Variants in PCDHA4 observed in about 807,000 individuals in gnomAD.
The protein encoded by PCDHA4 is protocadherin alpha-4.
Under a neutral mutation model 61.4 loss-of-function variants are expected in PCDHA4, and 49 were observed. The ratio of observed to expected loss-of-function variants is 0.80; its 90% CI spans 0.63 to 1.01. The LOEUF is 1.01. Ranked by LOEUF, PCDHA4 falls within the 50% of genes least tolerant of loss-of-function variation. The pLI, the probability that PCDHA4 is intolerant of heterozygous loss-of-function variation, is 0.00. For synonymous variants in PCDHA4, 590 were observed against 550.3 expected (o/e 1.07, Z -1.01); for missense variants, 1,254 against 1,235.8 (o/e 1.01, Z -0.22).
intron 1 of PCDHA4, chr5:140,864,423 CACAA>C (rs1165677153): frequency 1.8e-4 from 27 of 152,176 alleles, no homozygotes; most frequent in Non-Finnish European, 3.4e-4. Flanking sequence ...CAGCTTCGTC[CACAA>C]ACAATTTTGT....
chr5:140,876,514 C>A, intron 1 of PCDHA4: 1 of 1,614,026 alleles, frequency 6.2e-7, no homozygotes, highest in East Asian at 2.2e-5. Flanking sequence ...TGACAATGTC[C>A]CTGAAGTAAT....
At chr5:140,968,946 GCAT>G in intron 1 of PCDHA4, 4 of 1,614,172 alleles carry the variant, frequency 2.5e-6, no homozygotes, top group Non-Finnish European at 3.4e-6. Flanking sequence ...ATCATTTTGA[GCAT>G]CATCAAGTGC....
At chr5:141,007,395 CAAAAAAAAAAAA>C (rs35800918) in intron 3 of PCDHA4, among the ~76,000 whole-genome samples, 1 of 94,866 alleles carries the variant, frequency 1.1e-5, no homozygotes, top group Non-Finnish European at 2.1e-5. Flanking sequence ...TACTAAAATA[CAAAAAAAAAAAA>C]AAAAAAAAAA....
intron 1 of PCDHA4, chr5:140,927,490 C>G: frequency 1.2e-6 from 2 of 1,614,132 alleles, no homozygotes; most frequent in Non-Finnish European, 8.5e-7. Flanking sequence ...CGCCACCCAC[C>G]TGCTGGTGCT....
At chr5:140,921,301 C>T (rs1227923324) in intron 1 of PCDHA4, among the ~76,000 whole-genome samples, 1 of 151,954 alleles carries the variant, frequency 6.6e-6, no homozygotes. Flanking sequence ...TTGCTGAATG[C>T]CATTGTATTA....
At chr5:140,828,988 G>C (rs782358243) in intron 1 of PCDHA4, 1 of 1,613,864 alleles carries the variant, frequency 6.2e-7, no homozygotes, top group African/African-American at 1.3e-5. Context: ...ATCGAAATAC[G>C]GGAGAAATAG....
At chr5:140,833,518 C>A (rs1772496743) in intron 1 of PCDHA4, among the ~76,000 whole-genome samples, 2 of 152,126 alleles carry the variant, frequency 1.3e-5, no homozygotes, top group Non-Finnish European at 2.9e-5. Flanking sequence ...GGCATATATT[C>A]ATAACACACA....
At chr5:140,836,151 G>T (rs2150254234) in intron 1 of PCDHA4, 3 of 1,613,828 alleles carry the variant, frequency 1.9e-6, no homozygotes, top group Middle Eastern at 3.3e-4. Context: ...CGCGGGCCAT[G>T]TGGTGGCGAA....
At chr5:140,962,207 A>G (rs1364251526) in intron 1 of PCDHA4, among the ~76,000 whole-genome samples, 13 of 152,236 alleles carry the variant, frequency 8.5e-5, no homozygotes, top group Admixed American at 3.3e-4. Flanking sequence ...CTATCTCCTT[A>G]TTGATCTTGA....
chr5:140,980,039 C>T (rs2096874436), intron 2 of PCDHA4, among the ~76,000 whole-genome samples: 1 of 152,184 alleles, frequency 6.6e-6, no homozygotes, highest in South Asian at 2.1e-4. Context: ...ACATTGGGTG[C>T]TATTTCTGAT....
chr5:140,993,406 T>G (rs1382987714), intron 3 of PCDHA4, among the ~76,000 whole-genome samples: 2 of 150,884 alleles, frequency 1.3e-5, no homozygotes, highest in Non-Finnish European at 2.9e-5. Context: ...TTAACCACCT[T>G]CATCAGCATT....
At chr5:140,870,292 G>A (rs782159013) in intron 1 of PCDHA4, 1 of 1,614,176 alleles carries the variant, frequency 6.2e-7, no homozygotes, top group Non-Finnish European at 8.5e-7. Context: ...CTTCAAGCTG[G>A]TGTCCACCTT....
intron 1 of PCDHA4, chr5:140,884,276 G>C: frequency 6.8e-6 from 11 of 1,613,638 alleles, no homozygotes; most frequent in Non-Finnish European, 9.3e-6. Context: ...GTTGTCGCTG[G>C]TGGAGAGCGG....
intron 1 of PCDHA4, among the ~76,000 whole-genome samples, chr5:140,892,004 T>A (rs562047314): frequency 6.6e-6 from 1 of 152,364 alleles, no homozygotes; most frequent in East Asian, 1.9e-4. Flanking sequence ...TGGCATTCTG[T>A]TATAGCAGCA....
chr5:140,884,418 T>C, intron 1 of PCDHA4: 2 of 1,613,974 alleles, frequency 1.2e-6, no homozygotes, highest in South Asian at 2.2e-5. Flanking sequence ...ACGTTGCTGC[T>C]GTATACTGCG....
Position 140,869,160 on chromosome 5 carries a change from C to T in PCDHA4, c.2385+59588C>T, listed in dbSNP as rs201759355. 10 of 1,613,886 alleles carry T rather than the reference C, an allele frequency of 6.2e-6. No homozygotes were observed. In the East Asian group the frequency reaches 2.0e-4, roughly 32 times the overall value. On this transcript the variant is annotated intron_variant, in intron 1 of 3. Transcript: ENST00000530339. ...CCCCACGACTACAGCTCTGGCTTCT[C>T]CTCCTCGAATTCTGGGAGGTGGGGA...
chr5:140,980,901 T>C, intron 2 of PCDHA4, among the ~76,000 whole-genome samples: 1 of 152,218 alleles, frequency 6.6e-6, no homozygotes, highest in East Asian at 1.9e-4. Context: ...TTGGACATCA[T>C]GTAACTATTC....
chr5:140,812,415 GT>G (rs1379696427), intron 1 of PCDHA4: 1 of 151,260 alleles, frequency 6.6e-6, no homozygotes, highest in Non-Finnish European at 1.5e-5. Context: ...CAGTTTTGTT[GT>G]TTTTTCAAAA....
chr5:140,807,234 T>G lies in PCDHA4; in HGVS notation c.47T>G (p.Leu16Arg), dbSNP rs782807464. The G allele has an allele frequency of 6.2e-7, 1 of 1,614,212 alleles. No individual in the cohort carries two copies. Among genetic ancestry groups the G allele is most frequent in the South Asian group, 1.1e-5 (1 of 91,082 alleles). ...GSGQESRRLL[L>R]LLLLLAAWEA... The stretch of plus-strand genomic sequence containing the variant: ...GGCCAGGAATCCCGGCGTCTGCTGC[T>G]CTTACTTCTTCTCCTCGCAGCCTGG... Residue 16 changes from leucine (L) to arginine (R), a missense_variant, in exon 1 of 4, where the codon CTC becomes CGC. By Grantham distance (102) the Leu-to-Arg change is moderately radical (BLOSUM62 -2). Transcript: ENST00000530339.
Sources: allele counts gnomAD v4.1 joint callset (sites outside exome capture counted in the v4.1 genomes callset), GRCh38; gene constraint gnomAD v4.1.1; transcripts MANE v1.5; gene names NCBI Gene and HGNC (gene_info 2026-07-23, HGNC 2026-07-21).